Variants in LGSN observed in about 807,000 individuals in gnomAD.
LGSN encodes the protein lengsin.
In LGSN, 21 loss-of-function variants were observed where a neutral mutation model predicts 19.5. That is an observed-to-expected ratio of 1.07 (90% CI 0.76 to 1.55). LGSN has a LOEUF of 1.55. Among genes scored for constraint, LGSN ranks in the 40% most tolerant of loss-of-function variants. The pLI is 0.00. For missense variants in LGSN, 673 were observed against 608.5 expected (o/e 1.11, Z -1.12); for synonymous variants, 257 against 215.6 (o/e 1.19, Z -1.68).
chr6:63,505,308 G>A, the LGSN span, among the ~76,000 whole-genome samples: 1 of 151,740 alleles, frequency 6.6e-6, no homozygotes, highest in Non-Finnish European at 1.5e-5. Context: ...CGGGCGTAGT[G>A]TCTCACATCT....
chr6:63,572,747 C>A, the LGSN span: 1 of 398,352 alleles, frequency 2.5e-6, no homozygotes, highest in Non-Finnish European at 4.4e-6. Flanking sequence ...CGTCGCCTCT[C>A]GGGCTGGGAA....
chr6:63,525,172 A>G, the LGSN span, among the ~76,000 whole-genome samples: 10 of 152,246 alleles, frequency 6.6e-5, no homozygotes, highest in African/African-American at 2.4e-4. Flanking sequence ...ACTCTGGTAC[A>G]GATTTCAAAA....
chr6:63,523,966 A>C, the LGSN span, among the ~76,000 whole-genome samples: 1 of 152,146 alleles, frequency 6.6e-6, no homozygotes, highest in Non-Finnish European at 1.5e-5. Context: ...AAATATTAAA[A>C]AGGTAGAATT....
chr6:63,552,904 G>A, the LGSN span, among the ~76,000 whole-genome samples: 395 of 152,208 alleles, frequency 2.6e-3, 2 homozygotes, highest in African/African-American at 9.0e-3. Context: ...TACCAGTACC[G>A]TGCTGTTTTG....
intron 2 of LGSN, among the ~76,000 whole-genome samples, chr6:63,291,102 A>G (rs1382783245): frequency 6.6e-6 from 1 of 152,226 alleles, no homozygotes; most frequent in Admixed American, 6.5e-5. Flanking sequence ...CAACAGGGAC[A>G]TGACTCATTT....
the LGSN span, among the ~76,000 whole-genome samples, chr6:63,383,758 T>C: frequency 6.6e-6 from 1 of 152,190 alleles, no homozygotes; most frequent in Non-Finnish European, 1.5e-5. Flanking sequence ...TTGTCTTATT[T>C]AATCCTCCAA....
At chr6:63,571,181 T>A in the LGSN span, 5 of 152,162 alleles carry the variant, frequency 3.3e-5, no homozygotes, top group Non-Finnish European at 7.3e-5. Context: ...TTTTTTAAAG[T>A]TCTTATTTTA....
the LGSN span, among the ~76,000 whole-genome samples, chr6:63,459,913 T>A: frequency 1.3e-5 from 2 of 151,938 alleles, no homozygotes; most frequent in East Asian, 1.9e-4. Flanking sequence ...TAAAAATAAA[T>A]TTTAAAAAGA....
the LGSN span, among the ~76,000 whole-genome samples, chr6:63,443,022 G>C: frequency 4.6e-5 from 7 of 152,182 alleles, no homozygotes; most frequent in Non-Finnish European, 1.0e-4. Flanking sequence ...AGGGAGGCTC[G>C]GACCATGTGG....
At chr6:63,426,152 C>T in the LGSN span, among the ~76,000 whole-genome samples, 2 of 152,100 alleles carry the variant, frequency 1.3e-5, no homozygotes, top group South Asian at 2.1e-4. Context: ...ACTGTGATAG[C>T]ACACATTTTT....
At chr6:63,366,084 G>C in the LGSN span, among the ~76,000 whole-genome samples, 1 of 152,194 alleles carries the variant, frequency 6.6e-6, no homozygotes, top group Non-Finnish European at 1.5e-5. Flanking sequence ...GGAAGTTCTG[G>C]ACAGGGCACT....
the LGSN span, among the ~76,000 whole-genome samples, chr6:63,416,202 A>G: frequency 6.6e-6 from 1 of 151,630 alleles, no homozygotes; most frequent in African/African-American, 2.4e-5. Context: ...TAGAGGCAGC[A>G]CGATTCATTG....
chr6:63,495,735 C>T, the LGSN span, among the ~76,000 whole-genome samples: 1 of 151,806 alleles, frequency 6.6e-6, no homozygotes, highest in South Asian at 2.1e-4. Context: ...TAGGCGTGAG[C>T]CACCATGCCT....
chr6:63,460,100 C>CTTTTTTTT, the LGSN span, among the ~76,000 whole-genome samples: 148 of 56,156 alleles, frequency 2.6e-3, 2 homozygotes, highest in African/African-American at 3.4e-3. Flanking sequence ...ATTTCATTCC[C>CTTTTTTTT]TTTTTTTTTT....
the LGSN span, among the ~76,000 whole-genome samples, chr6:63,482,950 G>A: frequency 5.9e-5 from 9 of 152,022 alleles, no homozygotes; most frequent in South Asian, 1.0e-3. Context: ...ATCTGCCCAC[G>A]TTGGCCTCCC....
the LGSN span, among the ~76,000 whole-genome samples, chr6:63,486,555 G>C: frequency 6.6e-6 from 1 of 152,168 alleles, no homozygotes; most frequent in Non-Finnish European, 1.5e-5. Context: ...CAAAGATGCA[G>C]AGGTAGGCCC....
chr6:63,474,342 T>C, the LGSN span, among the ~76,000 whole-genome samples: 91 of 152,204 alleles, frequency 6.0e-4, no homozygotes, highest in African/African-American at 2.0e-3. Context: ...GGCGCAGTGG[T>C]TCATGCCTGT....
chr6:63,498,639 G>A, the LGSN span, among the ~76,000 whole-genome samples: 80,632 of 151,312 alleles, frequency 0.53, 23,280 homozygotes, highest in African/African-American at 0.77. Context: ...AAAGGTAGTG[G>A]ACACAATGCT....
Position 63,280,873 on chromosome 6 carries a change from A to G in LGSN, c.678T>C (p.Phe226=). 6.2e-7 allele frequency: 1 copy of G among 1,614,060 alleles called. No individual in the cohort carries two copies. The highest frequency in any genetic ancestry group is 8.5e-7 in the Non-Finnish European group (1 of 1,180,030). ...PEILNSKIIS[F]PALTFLNNHD... is the part of the protein sequence containing the mutation. Reference sequence around the variant, plus strand: ...GGTTATTTAAAAATGTTAAAGCAGGAAAAGATATAATCTTTGAATTTAAAA... The same window carrying G: ...GGTTATTTAAAAATGTTAAAGCAGGGAAAGATATAATCTTTGAATTTAAAA... The change falls in exon 4 of 4, where the codon TTT becomes TTC. Residue 226 remains phenylalanine, a synonymous_variant. Coordinates refer to ENST00000370657, the MANE Select transcript of LGSN (RefSeq NM_016571.3).
Sources: gnomAD v4.1 joint callset for allele counts (sites outside exome capture counted in the v4.1 genomes callset) on GRCh38, gnomAD v4.1.1 for gene constraint, MANE v1.5 for transcripts, NCBI Gene and HGNC (gene_info 2026-07-23, HGNC 2026-07-21) for gene names.